Variants in GCNT2 observed in about 807,000 individuals in gnomAD.
The protein encoded by GCNT2 is glucosaminyl (N-acetyl) transferase 2 (I blood group), also known as N-acetyllactosaminide beta-1,6-N-acetylglucosaminyl-transferase.
GCNT2 carries 34 observed loss-of-function variants against 34.2 expected under a neutral mutation model. That is an observed-to-expected ratio of 1.00 (90% CI 0.76 to 1.32). The LOEUF (loss-of-function observed/expected upper bound fraction) is 1.32, where lower values mean the gene tolerates loss of function less well. Ranked by LOEUF, GCNT2 falls within the 40% of genes most tolerant of loss-of-function variation. The pLI is 0.00. For missense variants in GCNT2, 584 were observed against 489.4 expected (o/e 1.19, Z -1.82); for synonymous variants, 212 against 188.0 (o/e 1.13, Z -1.04).
intron 3 of GCNT2, among the ~76,000 whole-genome samples, chr6:10,562,912 A>C (rs548835092): frequency 7.2e-4 from 109 of 152,232 alleles, no homozygotes; most frequent in Non-Finnish European, 1.1e-3. Flanking sequence ...AACAAGCAGC[A>C]CTTTGGGAGA....
At chr6:10,604,724 G>A (rs754359092) in intron 3 of GCNT2, among the ~76,000 whole-genome samples, 27 of 152,120 alleles carry the variant, frequency 1.8e-4, no homozygotes, top group Non-Finnish European at 3.2e-4. Flanking sequence ...AGCCAGGCAC[G>A]GTGGCACATC....
At position 10,592,140 on chromosome 6, in the gene GCNT2, G is replaced by T. The variant is rs567416756; in HGVS notation, c.926-29211G>T. 3.3e-5 allele frequency among the ~76,000 whole-genome samples: 5 copies of T among 151,998 alleles called. No individual in the cohort carries two copies. The East Asian group carries it at 7.7e-4, about 23-fold the overall frequency. ...AGTCTAAAATAACGCTACTTGGGGG[G>T]GCTGGAGGACAATCCACACTGACAT... On this transcript the variant is annotated intron_variant, in intron 3 of 4. Transcript: ENST00000495262.
chr6:10,529,576 C>T lies in GCNT2; in HGVS notation c.665C>T (p.Pro222Leu), dbSNP rs888354864. The T allele has an allele frequency of 1.9e-6, 3 of 1,614,074 alleles. No homozygotes were observed. Among genetic ancestry groups the T allele is most frequent in the Admixed American group, 3.3e-5 (2 of 59,996 alleles). The change falls in exon 3 of 5, where the codon CCT becomes CTT. Residue 222 changes from proline to leucine, a missense_variant. Coordinates refer to ENST00000495262, the MANE Select transcript of GCNT2 (RefSeq NM_145649.5). ...AATATCACCCCCGGAGTGCTGCCTC[C>T]TGACCACGCTGTTGGACGGACTAAA... The part of the protein sequence containing the change: ...GKNITPGVLP[P>L]DHAVGRTKYV...
chr6:10,537,483 T>C (rs897271848), intron 3 of GCNT2, among the ~76,000 whole-genome samples: 2 of 152,020 alleles, frequency 1.3e-5, no homozygotes, highest in Middle Eastern at 3.2e-3. Flanking sequence ...GGTGGATCAC[T>C]AGAGGTCAGA....
At chr6:10,606,528 G>GA (rs1765316579) in intron 3 of GCNT2, among the ~76,000 whole-genome samples, 1 of 110,498 alleles carries the variant, frequency 9.0e-6, no homozygotes, top group Non-Finnish European at 1.8e-5. Flanking sequence ...AGAAACATAT[G>GA]ATAAAGCAAG....
intron 3 of GCNT2, among the ~76,000 whole-genome samples, chr6:10,606,249 A>G (rs1238120105): frequency 2.0e-5 from 3 of 152,222 alleles, no homozygotes; most frequent in Non-Finnish European, 4.4e-5. Flanking sequence ...CAGGAGGCAG[A>G]GGTTGCAGTG....
chr6:10,525,424 C>T (rs909540372), intron 1 of GCNT2, among the ~76,000 whole-genome samples: 1 of 152,094 alleles, frequency 6.6e-6, no homozygotes, highest in African/African-American at 2.4e-5. Context: ...AACAATCTCG[C>T]GTCCTTTTGG....
intron 3 of GCNT2, among the ~76,000 whole-genome samples, chr6:10,589,572 G>C (rs148930481): frequency 1.3e-5 from 2 of 152,234 alleles, no homozygotes; most frequent in African/African-American, 4.8e-5. Flanking sequence ...AGCAGGCTTT[G>C]GTCTGGGCCA....
chr6:10,524,479 A>G (rs770582960), intron 1 of GCNT2, among the ~76,000 whole-genome samples: 1 of 152,026 alleles, frequency 6.6e-6, no homozygotes, highest in Non-Finnish European at 1.5e-5. Flanking sequence ...CTCTAACTCA[A>G]TCCAGGGCTC....
intron 3 of GCNT2, among the ~76,000 whole-genome samples, chr6:10,614,643 AAAG>A (rs1337178349): frequency 3.5e-4 from 44 of 125,130 alleles, no homozygotes; most frequent in Non-Finnish European, 2.7e-4. Context: ...AAAAAAAAAA[AAAG>A]AGAAAAAGAA....
At chr6:10,586,848 C>T in intron 3 of GCNT2, 1 of 1,613,364 alleles carries the variant, frequency 6.2e-7, no homozygotes, top group Non-Finnish European at 8.5e-7. Context: ...CATTGATCTA[C>T]TACAATGGTC....
At position 10,557,195 on chromosome 6, in the gene GCNT2, A is replaced by G. The variant is rs1191785910; in HGVS notation, c.925+27359A>G. The stretch of plus-strand genomic sequence containing the variant: ...ACCGCCTCCCCCCCATAATCTCACA[A>G]TTTACTTTGGCTCTGCCTATGTGGC... On this transcript the variant is annotated intron_variant, in intron 3 of 4. Coordinates refer to ENST00000495262, the MANE Select transcript of GCNT2 (RefSeq NM_145649.5). The G allele has an allele frequency of 3.2e-6, 5 of 1,559,950 alleles. No homozygotes were observed. Among genetic ancestry groups the G allele is most frequent in the Non-Finnish European group, 4.3e-6 (5 of 1,156,592 alleles).
intron 3 of GCNT2, among the ~76,000 whole-genome samples, chr6:10,565,573 T>TA (rs1238957443): frequency 4.6e-5 from 7 of 152,196 alleles, no homozygotes; most frequent in Admixed American, 4.6e-4. Flanking sequence ...CACTACCCTA[T>TA]AAAATCTCCA....
intron 3 of GCNT2, among the ~76,000 whole-genome samples, chr6:10,617,289 G>A (rs565768003): frequency 6.6e-6 from 1 of 152,302 alleles, no homozygotes; most frequent in Non-Finnish European, 1.5e-5. Context: ...CCCGGGCGGC[G>A]GGGCCGGCCG....
intron 3 of GCNT2, among the ~76,000 whole-genome samples, chr6:10,560,075 C>T (rs1762902081): frequency 1.3e-5 from 2 of 152,206 alleles, no homozygotes; most frequent in South Asian, 2.1e-4. Flanking sequence ...ACCACACAGC[C>T]GTTAATCAAT....
At chr6:10,619,533 T>C (rs1765941837) in intron 3 of GCNT2, 1 of 152,030 alleles carries the variant, frequency 6.6e-6, no homozygotes, top group Admixed American at 6.5e-5. Context: ...AAAAAATTTT[T>C]AGTAGAGATA....
intron 3 of GCNT2, among the ~76,000 whole-genome samples, chr6:10,534,200 GA>G (rs1267923397): frequency 1.6e-4 from 23 of 142,554 alleles, no homozygotes; most frequent in Admixed American, 1.5e-3. Flanking sequence ...GGAGTGCAGT[GA>G]TGTCATCTTG....
At chr6:10,611,728 AT>A (rs142711948) in intron 3 of GCNT2, among the ~76,000 whole-genome samples, 19,769 of 151,934 alleles carry the variant, frequency 0.13, 2,076 homozygotes, top group African/African-American at 0.29. Context: ...GTAATTTTCC[AT>A]TTTTTTTGTT....
chr6:10,606,432 A>G (rs9466919), intron 3 of GCNT2, among the ~76,000 whole-genome samples: 68,372 of 152,046 alleles, frequency 0.45, 17,207 homozygotes, highest in East Asian at 0.64. Flanking sequence ...ATACTGAACA[A>G]TGACTGCATA....
Sources: gnomAD v4.1 joint callset for allele counts (sites outside exome capture counted in the v4.1 genomes callset) on GRCh38, gnomAD v4.1.1 for gene constraint, MANE v1.5 for transcripts, NCBI Gene and HGNC (gene_info 2026-07-23, HGNC 2026-07-21) for gene names.